Variants in CRIP2 observed in about 807,000 individuals in gnomAD.
The protein encoded by CRIP2 is cysteine-rich protein 2.
CRIP2 carries 31 observed loss-of-function variants against 31.3 expected under a neutral mutation model. That is an observed-to-expected ratio of 0.99 (90% CI 0.74 to 1.34). The LOEUF is 1.34. Among genes scored for constraint, CRIP2 ranks in the 40% most tolerant of loss-of-function variants. The probability of loss-of-function intolerance (pLI) is 0.00; values close to 1 mark genes in which losing one functional copy is unlikely to be tolerated. For synonymous variants in CRIP2, 177 were observed against 127.2 expected (o/e 1.39, Z -2.63); for missense variants, 389 against 301.6 (o/e 1.29, Z -2.15).
Position 105,478,885 on chromosome 14 carries a change from G to C in CRIP2, c.337+14G>C. 6.9e-7 allele frequency: 1 copy of C among 1,444,290 alleles called. No homozygotes were observed. Among genetic ancestry groups the C allele is most frequent in the Non-Finnish European group, 9.0e-7 (1 of 1,109,208 alleles). 89.5% of individuals were successfully genotyped at this position (1,444,290 alleles called of 1,614,324 possible). A position where few individuals can be genotyped will look rare whatever the true frequency, so the allele number is the denominator to read the frequency against. On this transcript the variant is annotated intron_variant, in intron 4 of 7. Transcript: ENST00000329146. The surrounding 1 kb of genome is among the most constrained non-coding windows in gnomAD (Gnocchi z 4.9). ...GGCCCAGCAGAGGTGGGCTGGGCGCGGGCTGGGGCTGGGGGTTGTGGGCAC... is the reference window on the plus strand; with the variant it reads ...GGCCCAGCAGAGGTGGGCTGGGCGCCGGCTGGGGCTGGGGGTTGTGGGCAC...
intron 1 of CRIP2, among the ~76,000 whole-genome samples, chr14:105,477,826 GGAGGCGGGTGT>G (rs1164529451): frequency 4.0e-5 from 5 of 124,186 alleles, no homozygotes; most frequent in Non-Finnish European, 9.0e-5. Flanking sequence ...GGCGTGTGGG[GGAGGCGGGTGT>G]GAGGCGGGTG....
At position 105,479,835 on chromosome 14, in the gene CRIP2, GC is replaced by G. The variant is rs35009934; in HGVS notation, c.*187del. ...CCATCCCCGAGTCTCTGGTGTGTCT[GC>G]CCCCTCTGGCATCCTCTGGGCGTCC... On this transcript the variant is annotated 3_prime_UTR_variant, in exon 8 of 8. Transcript: ENST00000329146. 8 of 646,012 alleles carry G rather than the reference GC, an allele frequency of 1.2e-5. No individual in the cohort carries two copies. The African/African-American group carries it at 1.3e-4, about 10-fold the overall frequency. The allele number at this position is 646,012 out of a possible 1,614,324, so 40.0% of individuals were successfully genotyped here. A position where few individuals can be genotyped will look rare whatever the true frequency, so the allele number is the denominator to read the frequency against.
chr14:105,473,395 T>TGC, upstream of CRIP2: 1 of 1,535,292 alleles, frequency 6.5e-7, no homozygotes, highest in Non-Finnish European at 8.7e-7. Context: ...AGGGTGTGTG[T>TGC]GCAAGGGAGG....
chr14:105,476,302 A>G, intron 1 of CRIP2: 1 of 985,416 alleles, frequency 1.0e-6, no homozygotes, highest in Non-Finnish European at 1.2e-6. Context: ...CTCTCAGCGG[A>G]AAACAAAGGC....
At chr14:105,477,572 T>G (rs2083960632) in intron 1 of CRIP2, 2 of 975,698 alleles carry the variant, frequency 2.0e-6, no homozygotes, top group Non-Finnish European at 2.4e-6. Context: ...GAGAGCAGCA[T>G]GTGTTGAAGC....
rs893283764 is a variant in CRIP2 at position 105,477,350 on chromosome 14, G to C, written c.44-916G>C. On this transcript the variant is annotated intron_variant, in intron 1 of 7. Transcript: ENST00000329146. Reference sequence around the variant, plus strand: ...TGCCAGTGGCAGCCAGGGGCATTACGGCGGGGGGAGAGCTCAGGGTTTAGG... The same window carrying C: ...TGCCAGTGGCAGCCAGGGGCATTACCGCGGGGGGAGAGCTCAGGGTTTAGG... 1.2e-5 allele frequency: 12 copies of C among 985,396 alleles called. No homozygotes were observed. In the African/African-American group the frequency reaches 1.4e-4, roughly 11 times the overall value. 61.0% of individuals were successfully genotyped at this position (985,396 alleles called of 1,614,324 possible).
In CRIP2 at chr14:105,479,630, C is replaced by G. The variant is rs1555436935; in HGVS notation, c.604C>G (p.Pro202Ala). Residue 202 changes from proline (P) to alanine (A), a missense_variant, in exon 8 of 8, where the codon CCC becomes GCC. Coordinates refer to ENST00000329146, the MANE Select transcript of CRIP2 (RefSeq NM_001312.4). ...GGGCAGCTACATCTATGACCGGGAC[C>G]CCGAAGGCAAGGTCCAGCCCTAGGC... Reference protein sequence around the residue: ...AVGSYIYDRDPEGKVQP With the variant: ...AVGSYIYDRDAEGKVQP The G allele has an allele frequency of 1.5e-5, 24 of 1,612,692 alleles. No individual in the cohort carries two copies. Among genetic ancestry groups the G allele is most frequent in the Non-Finnish European group, 2.0e-5 (24 of 1,179,906 alleles).
intron 1 of CRIP2, chr14:105,476,926 C>A: frequency 3.5e-6 from 1 of 285,840 alleles, no homozygotes; most frequent in Non-Finnish European, 5.3e-6. Flanking sequence ...TCCCATCTCA[C>A]TGCCAGGAGC....
chr14:105,476,017 G>A, intron 1 of CRIP2: 1 of 985,532 alleles, frequency 1.0e-6, no homozygotes, highest in Non-Finnish European at 1.2e-6. Flanking sequence ...TCCCAGAGGG[G>A]AGGGACCGGA....
At position 105,479,229 on chromosome 14, in the gene CRIP2, G is replaced by A; in HGVS notation, c.501+10G>A. On this transcript the variant is annotated intron_variant, in intron 6 of 7. Coordinates refer to ENST00000329146, the MANE Select transcript of CRIP2 (RefSeq NM_001312.4). ...CGGCGGGCACGCGGAGGTGAGGGGA[G>A]TGCAACGGGGCTTGGGGGCCGGGCA... 1.2e-6 allele frequency: 2 copies of A among 1,606,680 alleles called. No individual in the cohort carries two copies. Among genetic ancestry groups the A allele is most frequent in the Non-Finnish European group, 1.7e-6 (2 of 1,177,256 alleles).
At position 105,479,850 on chromosome 14, in the gene CRIP2, C is replaced by T. The variant is rs936879479; in HGVS notation, c.*197C>T. 4.9e-6 allele frequency: 3 copies of T among 616,986 alleles called. No individual in the cohort carries two copies. The highest frequency in any genetic ancestry group is 1.9e-5 in the South Asian group (1 of 52,242). The allele number at this position is 616,986 out of a possible 1,614,324, so 38.2% of individuals were successfully genotyped here. On this transcript the variant is annotated 3_prime_UTR_variant, in exon 8 of 8. Transcript: ENST00000329146. ...TGGTGTGTCTGCCCCCTCTGGCATC[C>T]TCTGGGCGTCCCATGATCCCTTCTG... is the stretch of plus-strand genomic sequence containing the variant.
chr14:105,474,933 T>C lies in CRIP2; in HGVS notation c.43+28T>C, dbSNP rs782209719. 12 of 1,494,150 alleles carry C rather than the reference T, an allele frequency of 8.0e-6. No homozygotes were observed. In the East Asian group the frequency reaches 3.0e-4, roughly 37 times the overall value. 92.6% of individuals were successfully genotyped at this position (1,494,150 alleles called of 1,614,324 possible). A position where few individuals can be genotyped will look rare whatever the true frequency, so the allele number is the denominator to read the frequency against. On this transcript the variant is annotated intron_variant, in intron 1 of 7. Transcript: ENST00000329146. This position sits in a 1 kb window ranked among gnomAD's most constrained non-coding sequence, Gnocchi z 5.1. ...GAGTGCGTGCCCGCTCCCGGCCCGC[T>C]CGGTGCATCCCGCCGCCCTTCGCGG...
In CRIP2 at chr14:105,478,653, A is replaced by G. The variant is rs2084008910; in HGVS notation, c.197-78A>G. 1.4e-6 allele frequency: 2 copies of G among 1,461,186 alleles called. No homozygotes were observed. The highest frequency in any genetic ancestry group is 4.9e-4 in the Middle Eastern group (2 of 4,076). The allele number at this position is 1,461,186 out of a possible 1,614,324, so 90.5% of individuals were successfully genotyped here. On this transcript the variant is annotated intron_variant, in intron 3 of 7. Coordinates refer to ENST00000329146, the MANE Select transcript of CRIP2 (RefSeq NM_001312.4). The surrounding 1 kb of genome is among the most constrained non-coding windows in gnomAD (Gnocchi z 4.9). ...GAAAGCCTAGTGCCCCCCAGTCCCC[A>G]GCGGGCCGTTTTCTGAGATGCCCGG... is the stretch of plus-strand genomic sequence containing the variant.
intron 1 of CRIP2, 107 bp downstream of exon 1, chr14:105,475,012 C>A: frequency 8.1e-7 from 1 of 1,239,866 alleles, no homozygotes; most frequent in Non-Finnish European, 1.0e-6. Flanking sequence ...CGGCCCCGGC[C>A]CCGGACCGAG....
chr14:105,477,189 C>A (rs953056968), intron 1 of CRIP2: 5 of 827,114 alleles, frequency 6.0e-6, no homozygotes, highest in Non-Finnish European at 7.3e-6. Flanking sequence ...CCTGCCCCTC[C>A]CCACCTCTTC....
Position 105,478,579 on chromosome 14 carries a change from TG to T in CRIP2, c.196+77del. The stretch of plus-strand genomic sequence containing the variant: ...GCGTGGCGCTGGCGCTGGGGAGGGC[TG>T]GGGGTCCCGGCCGCCGTGGATCCCC... On this transcript the variant is annotated intron_variant, in intron 3 of 7. Transcript: ENST00000329146. The surrounding 1 kb of genome is among the most constrained non-coding windows in gnomAD (Gnocchi z 4.9). 6 of 1,546,848 alleles carry T rather than the reference TG, an allele frequency of 3.9e-6. No homozygotes were observed. Among genetic ancestry groups the T allele is most frequent in the Non-Finnish European group, 8.7e-7 (1 of 1,146,530 alleles).
At position 105,479,748 on chromosome 14, in the gene CRIP2, G is replaced by C; in HGVS notation, c.*95G>C. 5 of 1,360,768 alleles carry C rather than the reference G, an allele frequency of 3.7e-6. No homozygotes were observed. Among genetic ancestry groups the C allele is most frequent in the Non-Finnish European group, 5.1e-6 (5 of 987,572 alleles). 84.3% of individuals were successfully genotyped at this position (1,360,768 alleles called of 1,614,324 possible). On this transcript the variant is annotated 3_prime_UTR_variant, in exon 8 of 8. Transcript: ENST00000329146. ...TGCTGGGAGAGTGCTCAGCCGCCCA[G>C]TCCTGCCTGCAAGCCCAGGGCGAGT...
chr14:105,478,925 T>TG lies in CRIP2; in HGVS notation c.338-49dup, dbSNP rs587652697. On this transcript the variant is annotated intron_variant, in intron 4 of 7. Coordinates refer to ENST00000329146, the MANE Select transcript of CRIP2 (RefSeq NM_001312.4). This position sits in a 1 kb window ranked among gnomAD's most constrained non-coding sequence, Gnocchi z 4.9. ...GTTGTGGGCACGCGCGGGCTGGGGC[T>TG]GGGGGTTGTGGGCACCCCCGGCCCC... The TG allele has an allele frequency of 6.6e-6, 10 of 1,520,898 alleles. No individual in the cohort carries two copies. In the South Asian group the frequency reaches 9.7e-5, roughly 15 times the overall value. 94.2% of individuals were successfully genotyped at this position (1,520,898 alleles called of 1,614,324 possible).
At chr14:105,474,814 G>T, upstream of CRIP2, 1 of 1,362,274 alleles carries the variant, frequency 7.3e-7, no homozygotes, top group Non-Finnish European at 9.6e-7. This position sits in a 1 kb window ranked among gnomAD's most constrained non-coding sequence, Gnocchi z 5.1. Flanking sequence ...GGCGGCGGCG[G>T]CCCGGAGGAG....
Sources: allele counts gnomAD v4.1 joint callset (sites outside exome capture counted in the v4.1 genomes callset), GRCh38; gene constraint gnomAD v4.1.1; non-coding constraint Gnocchi (gnomAD v3.1); transcripts MANE v1.5; gene names NCBI Gene and HGNC (gene_info 2026-07-23, HGNC 2026-07-21).